SASH1: variants seen among roughly 807,000 people sequenced by gnomAD.
SASH1 encodes SAM and SH3 domain-containing protein 1.
Under a neutral mutation model 125.2 loss-of-function variants are expected in SASH1, and 44 were observed. That is an observed-to-expected ratio of 0.35 (90% CI 0.28 to 0.45). The LOEUF (loss-of-function observed/expected upper bound fraction) is 0.45. Among genes scored for constraint, SASH1 ranks in the 20% least tolerant of loss-of-function variants. SASH1 has a pLI of 1.00. For missense variants in SASH1, 1,426 were observed against 1,614.5 expected (o/e 0.88, Z 2.00); for synonymous variants, 639 against 649.1 (o/e 0.98, Z 0.24).
At chr6:148,538,748 G>T (rs181095001) in intron 16 of SASH1, among the ~76,000 whole-genome samples, 1 of 152,162 alleles carries the variant, frequency 6.6e-6, no homozygotes, top group East Asian at 1.9e-4. Context: ...CTGAGAAAAG[G>T]CATCACATTT....
intron 8 of SASH1, among the ~76,000 whole-genome samples, chr6:148,496,970 C>T (rs1407998900): frequency 1.3e-5 from 2 of 151,836 alleles, no homozygotes; most frequent in African/African-American, 4.8e-5. Context: ...TATGATTATT[C>T]TGATTTTTAT....
chr6:148,328,930 A>G (rs1291674859), intron 1 of SASH1, among the ~76,000 whole-genome samples: 2 of 151,990 alleles, frequency 1.3e-5, no homozygotes, highest in Non-Finnish European at 2.9e-5. Flanking sequence ...GCACATGAGG[A>G]TCTGTATTTT....
At chr6:148,449,067 TCA>T (rs1562419954) in intron 4 of SASH1, among the ~76,000 whole-genome samples, 143 of 116,944 alleles carry the variant, frequency 1.2e-3, no homozygotes, top group Non-Finnish European at 2.0e-3. Context: ...CTGGCTAATT[TCA>T]TTTCATTTCT....
At chr6:148,390,045 C>A (rs1783634220) in intron 1 of SASH1, 89 bp from the exon 2 acceptor site, 2 of 1,450,038 alleles carry the variant, frequency 1.4e-6, no homozygotes, top group Non-Finnish European at 1.9e-6. Flanking sequence ...ACCTTTATTA[C>A]TATTAACTCT....
intron 1 of SASH1, among the ~76,000 whole-genome samples, chr6:148,323,367 T>G (rs1250993698): frequency 6.6e-6 from 1 of 152,206 alleles, no homozygotes; most frequent in African/African-American, 2.4e-5. Context: ...CTCCAATGAT[T>G]CTGACATAGT....
At chr6:148,438,740 A>C (rs893546398) in intron 2 of SASH1, among the ~76,000 whole-genome samples, 12 of 132,160 alleles carry the variant, frequency 9.1e-5, no homozygotes, top group African/African-American at 3.4e-4. Flanking sequence ...AAAAAAAAAA[A>C]AAAAAACCAA....
At chr6:148,442,803 T>A (rs778204041) in intron 4 of SASH1, among the ~76,000 whole-genome samples, 1 of 152,078 alleles carries the variant, frequency 6.6e-6, no homozygotes, top group Non-Finnish European at 1.5e-5. Context: ...AGAGGGAGTA[T>A]CGCTCTGTCG....
At chr6:148,421,661 T>C (rs968997090) in intron 2 of SASH1, among the ~76,000 whole-genome samples, 3 of 152,192 alleles carry the variant, frequency 2.0e-5, no homozygotes, top group Non-Finnish European at 4.4e-5. Flanking sequence ...TTTGAAAGAC[T>C]CTTGAAACAC....
At chr6:148,476,821 G>A (rs1038271930) in intron 7 of SASH1, among the ~76,000 whole-genome samples, 2 of 152,176 alleles carry the variant, frequency 1.3e-5, no homozygotes, top group African/African-American at 4.8e-5. Context: ...TCTATACTAC[G>A]GAGCTGTAGT....
intron 1 of SASH1, among the ~76,000 whole-genome samples, chr6:148,302,720 AATTTCTGTGTTTATGT>A (rs1460130879): frequency 7.4e-6 from 1 of 135,380 alleles, no homozygotes; most frequent in Non-Finnish European, 1.6e-5. Flanking sequence ...ATATATATAT[AATTTCTGTGTTTATGT>A]ATTTCTGTGT....
chr6:148,439,018 G>T (rs1013838127), intron 2 of SASH1, among the ~76,000 whole-genome samples: 1 of 152,016 alleles, frequency 6.6e-6, no homozygotes, highest in African/African-American at 2.4e-5. Context: ...AAAGGTTTTC[G>T]GTATTGGTGT....
At chr6:148,293,672 T>C (rs1456057976) in intron 1 of SASH1, among the ~76,000 whole-genome samples, 1 of 152,158 alleles carries the variant, frequency 6.6e-6, no homozygotes, top group Non-Finnish European at 1.5e-5. Context: ...CTAAATTTTC[T>C]ACAACCCACA....
intron 1 of SASH1, among the ~76,000 whole-genome samples, chr6:148,357,014 C>T (rs1275609954): frequency 6.6e-6 from 1 of 152,118 alleles, no homozygotes; most frequent in Non-Finnish European, 1.5e-5. Context: ...ATGTACTTAG[C>T]CCACTTTTTG....
intron 1 of SASH1, among the ~76,000 whole-genome samples, chr6:148,290,018 C>G (rs1156774857): frequency 6.6e-6 from 1 of 151,562 alleles, no homozygotes; most frequent in Non-Finnish European, 1.5e-5. Flanking sequence ...CAGGTATGCA[C>G]CACCATGTCC....
intron 8 of SASH1, among the ~76,000 whole-genome samples, chr6:148,491,886 C>T (rs1035324116): frequency 6.6e-6 from 1 of 152,162 alleles, no homozygotes; most frequent in Non-Finnish European, 1.5e-5. Context: ...TCAAAAGAGC[C>T]GTGTCCATGG....
At chr6:148,345,791 C>T (rs6911789) in intron 1 of SASH1, among the ~76,000 whole-genome samples, 35,698 of 152,118 alleles carry the variant, frequency 0.23, 4,447 homozygotes, top group Middle Eastern at 0.32. Flanking sequence ...TGGCACATAC[C>T]ATGTTAGTGA....
intron 8 of SASH1, chr6:148,513,089 C>G: frequency 1.0e-6 from 1 of 985,450 alleles, no homozygotes; most frequent in African/African-American, 1.7e-5. Context: ...TCTACTTCTT[C>G]TTCTCTTGAG....
At chr6:148,493,719 A>C (rs527992555) in intron 8 of SASH1, among the ~76,000 whole-genome samples, 58 of 151,800 alleles carry the variant, frequency 3.8e-4, no homozygotes, top group African/African-American at 1.3e-3. Flanking sequence ...CCAAGAGTGT[A>C]AAGTACTAAA....
chr6:148,240,707 A>T, the SASH1 span, among the ~76,000 whole-genome samples: 1 of 152,192 alleles, frequency 6.6e-6, no homozygotes, highest in African/African-American at 2.4e-5. Flanking sequence ...AGTATTCGCC[A>T]ACTTGGAGCT....
Sources: allele counts gnomAD v4.1 joint callset (sites outside exome capture counted in the v4.1 genomes callset), GRCh38; gene constraint gnomAD v4.1.1; transcripts MANE v1.5; gene names NCBI Gene and HGNC (gene_info 2026-07-23, HGNC 2026-07-21).